OTUD7A: variants seen among roughly 807,000 people sequenced by gnomAD.
OTUD7A encodes the protein OTU deubiquitinase 7A.
A neutral mutation model predicts 65.7 loss-of-function variants in OTUD7A; 12 were observed. The observed-to-expected ratio is 0.18, with a 90% CI of 0.12 to 0.30. The LOEUF (loss-of-function observed/expected upper bound fraction) is 0.30. Among genes scored for constraint, OTUD7A ranks in the 10% least tolerant of loss-of-function variants. OTUD7A has a pLI of 1.00. For synonymous variants in OTUD7A, 641 were observed against 586.3 expected, an observed-to-expected ratio of 1.09 and a Z score of -1.35; for missense variants, 1,148 against 1,304.8, an observed-to-expected ratio of 0.88 and a Z score of 1.85.
At chr15:31,634,703 C>T (rs1281834380) in intron 3 of OTUD7A, among the ~76,000 whole-genome samples, 3 of 152,378 alleles carry the variant, frequency 2.0e-5, no homozygotes, top group African/African-American at 4.8e-5. Context: ...GCATGAGTGC[C>T]GATGACAGCG....
intron 1 of OTUD7A, among the ~76,000 whole-genome samples, chr15:31,852,336 T>A (rs1023788206): frequency 1.3e-5 from 2 of 152,246 alleles, no homozygotes; most frequent in Non-Finnish European, 2.9e-5. Flanking sequence ...CAACTCTTGT[T>A]CCTTGGAATT....
Position 31,510,532 on chromosome 15 carries a change from C to CATAT in OTUD7A, c.894-6715_894-6714insATAT, listed in dbSNP as rs1386154779. 7.3e-3 allele frequency among the ~76,000 whole-genome samples: 966 copies of CATAT among 132,698 alleles called. 69 individuals are homozygous for CATAT. Among genetic ancestry groups the CATAT allele is most frequent in the African/African-American group, 0.029 (910 of 31,538 alleles). 87.1% of individuals were successfully genotyped at this position (132,698 alleles called of 152,430 possible). A position where few individuals can be genotyped will look rare whatever the true frequency, so the allele number is the denominator to read the frequency against. ...CATATATATGTATATCTATATGTAA[C>CATAT]ATACATATGTATATCTATATGTAAC... On this transcript the variant is annotated intron_variant, in intron 8 of 12. Coordinates refer to ENST00000307050, the MANE Select transcript of OTUD7A (RefSeq NM_001382637.1).
chr15:31,599,012 A>T (rs1484466516), intron 3 of OTUD7A, among the ~76,000 whole-genome samples: 1 of 152,036 alleles, frequency 6.6e-6, no homozygotes, highest in East Asian at 1.9e-4. Flanking sequence ...CCAGTCAGGG[A>T]CTTATAGATA....
At chr15:31,634,021 G>C (rs1891259430) in intron 3 of OTUD7A, among the ~76,000 whole-genome samples, 1 of 152,152 alleles carries the variant, frequency 6.6e-6, no homozygotes, top group Non-Finnish European at 1.5e-5. Context: ...CTAAAGAGTG[G>C]CTATCTTGGT....
At chr15:31,849,212 C>T (rs959816370) in intron 1 of OTUD7A, among the ~76,000 whole-genome samples, 7 of 152,124 alleles carry the variant, frequency 4.6e-5, no homozygotes, top group South Asian at 2.1e-4. Flanking sequence ...GAGATATAGA[C>T]CAATGGAACA....
At chr15:31,840,216 T>C (rs1897150009) in intron 1 of OTUD7A, among the ~76,000 whole-genome samples, 1 of 151,992 alleles carries the variant, frequency 6.6e-6, no homozygotes, top group Admixed American at 6.6e-5. Flanking sequence ...GGTCAGGAGT[T>C]CAAGACCAGC....
At chr15:31,866,225 G>A (rs1897871757) in intron 1 of OTUD7A, among the ~76,000 whole-genome samples, 1 of 152,202 alleles carries the variant, frequency 6.6e-6, no homozygotes, top group South Asian at 2.1e-4. Flanking sequence ...ATGCATGGGA[G>A]ACTAACTCTT....
At position 31,511,032 on chromosome 15, in the gene OTUD7A, T is replaced by C. The variant is rs531967839; in HGVS notation, c.894-7214A>G. On this transcript the variant is annotated intron_variant, in intron 8 of 12. Transcript: ENST00000307050. ...TATGTAACATACATGTATATCTATA[T>C]GTAACATACATGTATATCTATATGT... Among the ~76,000 whole-genome samples, 86 of 41,012 alleles carry C rather than the reference T, an allele frequency of 2.1e-3. 35 individuals are homozygous for C. The highest frequency in any genetic ancestry group is 9.9e-3 in the South Asian group (22 of 2,226). The allele number at this position is 41,012 out of a possible 152,430, so 26.9% of individuals were successfully genotyped here. A position where few individuals can be genotyped will look rare whatever the true frequency, so the allele number is the denominator to read the frequency against.
At chr15:31,521,853 G>A (rs1435543858) in intron 8 of OTUD7A, among the ~76,000 whole-genome samples, 2 of 152,228 alleles carry the variant, frequency 1.3e-5, no homozygotes, top group Non-Finnish European at 2.9e-5. Context: ...GGTCCCTCTT[G>A]CTCTGCTCTC....
At chr15:31,772,247 G>A (rs1418798532) in intron 1 of OTUD7A, among the ~76,000 whole-genome samples, 10 of 123,244 alleles carry the variant, frequency 8.1e-5, no homozygotes, top group Non-Finnish European at 9.9e-5. Flanking sequence ...GCGAGACTCC[G>A]TCTCAAAAAA....
At chr15:31,507,782 GGT>G (rs1474950686) in intron 8 of OTUD7A, among the ~76,000 whole-genome samples, 1 of 152,130 alleles carries the variant, frequency 6.6e-6, no homozygotes, top group Non-Finnish European at 1.5e-5. Context: ...AGCACTGATT[GGT>G]GTGTTTTACA....
intron 8 of OTUD7A, among the ~76,000 whole-genome samples, chr15:31,515,931 TATCC>T (rs75133111): frequency 1.5e-4 from 21 of 142,820 alleles, no homozygotes; most frequent in East Asian, 9.0e-4. Context: ...CATGTACCTC[TATCC>T]ATCCATCCAT....
chr15:31,622,502 A>AT (rs1291215910), intron 3 of OTUD7A, among the ~76,000 whole-genome samples: 1 of 151,994 alleles, frequency 6.6e-6, no homozygotes, highest in East Asian at 1.9e-4. Context: ...TTCTTGCTTC[A>AT]TATCATTCAT....
At chr15:31,746,445 T>A (rs1417369101) in intron 1 of OTUD7A, among the ~76,000 whole-genome samples, 2 of 151,826 alleles carry the variant, frequency 1.3e-5, no homozygotes, top group African/African-American at 4.8e-5. Context: ...TACTCGGCCA[T>A]ATGGGTAAAT....
At chr15:31,631,682 G>A (rs1422437008) in intron 3 of OTUD7A, among the ~76,000 whole-genome samples, 1 of 152,162 alleles carries the variant, frequency 6.6e-6, no homozygotes, top group African/African-American at 2.4e-5. Flanking sequence ...CCTGCAGAGT[G>A]TTTTCCAACT....
intron 1 of OTUD7A, among the ~76,000 whole-genome samples, chr15:31,867,802 G>C (rs1332280717): frequency 1.3e-5 from 2 of 152,200 alleles, no homozygotes; most frequent in African/African-American, 4.8e-5. Context: ...ATCTCTGCTA[G>C]GGAGGCCTAC....
chr15:31,551,226 T>C (rs908945764), intron 5 of OTUD7A, among the ~76,000 whole-genome samples: 2 of 152,184 alleles, frequency 1.3e-5, no homozygotes, highest in Non-Finnish European at 2.9e-5. Context: ...CATGGCCCAG[T>C]GCTATTCTAA....
At chr15:31,710,767 A>G (rs1002143493) in intron 1 of OTUD7A, among the ~76,000 whole-genome samples, 2 of 152,202 alleles carry the variant, frequency 1.3e-5, no homozygotes, top group Non-Finnish European at 2.9e-5. Context: ...CTATTATTGT[A>G]TTGCTGTTTC....
At chr15:31,846,079 C>T (rs1396628440) in intron 1 of OTUD7A, among the ~76,000 whole-genome samples, 1 of 152,232 alleles carries the variant, frequency 6.6e-6, no homozygotes, top group East Asian at 1.9e-4. Flanking sequence ...GCTTCAAGCC[C>T]CTGCAACTCC....
Sources: allele counts gnomAD v4.1 joint callset (sites outside exome capture counted in the v4.1 genomes callset), GRCh38; gene constraint gnomAD v4.1.1; transcripts MANE v1.5; gene names NCBI Gene and HGNC (gene_info 2026-07-23, HGNC 2026-07-21).